NFATC1: variants seen among roughly 807,000 people sequenced by gnomAD.
The protein encoded by NFATC1 is nuclear factor of activated T-cells, cytoplasmic 1.
A neutral mutation model predicts 76.0 loss-of-function variants in NFATC1; 22 were observed. That is an observed-to-expected ratio of 0.29 (90% CI 0.21 to 0.41). NFATC1 has a LOEUF of 0.41. Ranked by LOEUF, NFATC1 falls within the 10% of genes least tolerant of loss-of-function variation. NFATC1 has a pLI of 1.00. For synonymous variants in NFATC1, 704 were observed against 613.1 expected (o/e 1.15, Z -2.19); for missense variants, 1,357 against 1,337.7 (o/e 1.01, Z -0.23).
intron 8 of NFATC1, among the ~76,000 whole-genome samples, chr18:79,482,839 C>T (rs77973797): frequency 0.012 from 1,494 of 123,942 alleles, 55 homozygotes; most frequent in East Asian, 0.066. Flanking sequence ...GTAATTCCAG[C>T]GTGACCTGGT....
chr18:79,526,704 G>A (rs897489881), intron 9 of NFATC1, among the ~76,000 whole-genome samples: 2 of 152,220 alleles, frequency 1.3e-5, no homozygotes, highest in East Asian at 1.9e-4. Flanking sequence ...AAAAATAGTC[G>A]GGGGTTGTTG....
intron 1 of NFATC1, chr18:79,402,272 T>C (rs2085293436): frequency 1.1e-6 from 1 of 950,224 alleles, no homozygotes; most frequent in African/African-American, 1.8e-5. Context: ...GACGCCACAG[T>C]TTATACACCA....
chr18:79,482,185 C>T (rs2089300992), intron 8 of NFATC1, among the ~76,000 whole-genome samples: 1 of 142,202 alleles, frequency 7.0e-6, no homozygotes, highest in Non-Finnish European at 1.5e-5. Flanking sequence ...GGGTGTAATT[C>T]CAGCATGACC....
At chr18:79,405,382 G>C (rs1232063794) in intron 1 of NFATC1, among the ~76,000 whole-genome samples, 1 of 152,254 alleles carries the variant, frequency 6.6e-6, no homozygotes, top group Non-Finnish European at 1.5e-5. Flanking sequence ...GGTGTCTGAC[G>C]TGACATGAAT....
At chr18:79,504,577 A>G (rs1464599820) in intron 9 of NFATC1, among the ~76,000 whole-genome samples, 1 of 152,268 alleles carries the variant, frequency 6.6e-6, no homozygotes, top group African/African-American at 2.4e-5. Context: ...TTGGAACATC[A>G]TGAGCATTAT....
At chr18:79,445,033 G>T (rs2087147304) in intron 3 of NFATC1, among the ~76,000 whole-genome samples, 1 of 152,244 alleles carries the variant, frequency 6.6e-6, no homozygotes, top group African/African-American at 2.4e-5. Context: ...GAAGGAGAGG[G>T]AGGATGCGGG....
chr18:79,404,197 T>A (rs556885845), intron 1 of NFATC1, among the ~76,000 whole-genome samples: 2 of 152,246 alleles, frequency 1.3e-5, no homozygotes, highest in African/African-American at 4.8e-5. Flanking sequence ...TGAGGAACGA[T>A]GTCCCAGGTT....
At position 79,525,511 on chromosome 18, in the gene NFATC1, G is replaced by A. The variant is rs564757040; in HGVS notation, c.2783-2017G>A. ...TCAGGCCTCCCCACGTCCCACCGTC[G>A]TTACCCCTCAGTCCTCCCCACGTCC... On this transcript the variant is annotated intron_variant, in intron 9 of 9. Coordinates refer to ENST00000427363, the MANE Select transcript of NFATC1 (RefSeq NM_001278669.2). Among the ~76,000 whole-genome samples the A allele has an allele frequency of 4.2e-3, 564 of 135,754 alleles. 1 individual carries two copies. The highest frequency in any genetic ancestry group is 6.6e-3 in the Non-Finnish European group (418 of 63,312). The allele number at this position is 135,754 out of a possible 152,430, so 89.1% of individuals were successfully genotyped here.
intron 8 of NFATC1, among the ~76,000 whole-genome samples, chr18:79,483,976 AGGTGTCACTCCAGCGTGACCTGGTCCTGG>A (rs2089420181): frequency 2.0e-4 from 17 of 83,736 alleles, no homozygotes; most frequent in Admixed American, 2.0e-3. Context: ...CCTGGTCCTG[AGGTGTCACTCCAGCGTGACCTGGTCCTGG>A]GGTGTCACTC....
In NFATC1 at chr18:79,524,898, G is replaced by A. The variant is rs931238175; in HGVS notation, c.2783-2630G>A. On this transcript the variant is annotated intron_variant, in intron 9 of 9. Transcript: ENST00000427363. This position sits in a 1 kb window ranked among gnomAD's most constrained non-coding sequence, Gnocchi z 7.2. ...GCCCGCGGGGAACAAGACGGCTCTC[G>A]GCGGCCATGCAGGCGGCCTGTCCCA... Among the ~76,000 whole-genome samples the A allele has an allele frequency of 6.6e-6, 1 of 151,950 alleles. No individual in the cohort carries two copies. The highest frequency in any genetic ancestry group is 1.5e-5 in the Non-Finnish European group (1 of 67,956).
At chr18:79,429,305 C>G (rs767098701) in intron 2 of NFATC1, among the ~76,000 whole-genome samples, 1 of 150,684 alleles carries the variant, frequency 6.6e-6, no homozygotes, top group African/African-American at 2.4e-5. Context: ...CCGTCCAGAC[C>G]GGGTGGACGT....
chr18:79,486,960 G>A lies in NFATC1; in HGVS notation c.2782+23G>A, dbSNP rs151283088. On this transcript the variant is annotated intron_variant, in intron 9 of 9. Transcript: ENST00000427363. The stretch of plus-strand genomic sequence containing the variant: ...ACGGTGAGTGCCCGCAGCCATGCAG[G>A]TGTGTGCCCCGCCTGGCGCCATGGC... The A allele has an allele frequency of 3.6e-5, 57 of 1,569,264 alleles. No individual in the cohort carries two copies. The Middle Eastern group carries it at 5.1e-4, about 14-fold the overall frequency.
chr18:79,526,469 G>A (rs931243905), intron 9 of NFATC1, among the ~76,000 whole-genome samples: 6 of 152,338 alleles, frequency 3.9e-5, no homozygotes, highest in African/African-American at 9.6e-5. Context: ...GACAGAGTCG[G>A]GACCTTCTGT....
intron 9 of NFATC1, 136 bp from the exon 10 acceptor site, chr18:79,527,392 G>A (rs879865250): frequency 3.9e-5 from 28 of 710,560 alleles, no homozygotes; most frequent in South Asian, 1.6e-4. Flanking sequence ...GGGTGGGACC[G>A]AGGAGGAAAT....
chr18:79,483,484 C>T (rs1410423981), intron 8 of NFATC1, among the ~76,000 whole-genome samples: 2 of 134,036 alleles, frequency 1.5e-5, no homozygotes, highest in African/African-American at 6.2e-5. Flanking sequence ...GGTGTCACTC[C>T]GGCGTGACCT....
At chr18:79,460,038 G>A (rs1471258753) in intron 6 of NFATC1, among the ~76,000 whole-genome samples, 1 of 152,180 alleles carries the variant, frequency 6.6e-6, no homozygotes, top group Non-Finnish European at 1.5e-5. Flanking sequence ...TTTCCTAGAG[G>A]AGAGAGGGAT....
At chr18:79,452,257 T>C (rs1291167561) in intron 6 of NFATC1, 1 of 155,362 alleles carries the variant, frequency 6.4e-6, no homozygotes, top group Non-Finnish European at 1.4e-5. Flanking sequence ...GAGGCAGGGA[T>C]GGGGTGGGTG....
chr18:79,472,663 G>C (rs977455901), intron 8 of NFATC1, among the ~76,000 whole-genome samples: 3 of 151,350 alleles, frequency 2.0e-5, no homozygotes, highest in African/African-American at 7.3e-5. Context: ...CCACACACTT[G>C]GAGACACCCT....
intron 2 of NFATC1, among the ~76,000 whole-genome samples, chr18:79,415,542 A>G (rs1048034931): frequency 1.3e-5 from 2 of 151,650 alleles, no homozygotes; most frequent in African/African-American, 4.8e-5. Flanking sequence ...TCGGCCTCCC[A>G]AAGTGCTGGG....
Sources: gnomAD v4.1 joint callset for allele counts (sites outside exome capture counted in the v4.1 genomes callset) on GRCh38, gnomAD v4.1.1 for gene constraint, Gnocchi (gnomAD v3.1) non-coding constraint, MANE v1.5 for transcripts, NCBI Gene and HGNC (gene_info 2026-07-23, HGNC 2026-07-21) for gene names.